STAB2: variants seen among roughly 807,000 people sequenced by gnomAD.
STAB2 encodes the protein stabilin-2.
STAB2 carries 288 observed loss-of-function variants against 338.1 expected under a neutral mutation model. The ratio of observed to expected loss-of-function variants is 0.85; its 90% CI spans 0.77 to 0.94. The LOEUF is 0.94. Among genes scored for constraint, STAB2 ranks in the 40% least tolerant of loss-of-function variants. STAB2 has a pLI of 0.00. For synonymous variants in STAB2, 1,202 were observed against 1,193.3 expected (o/e 1.01, Z -0.15); for missense variants, 3,141 against 3,210.1 (o/e 0.98, Z 0.52).
Position 103,609,917 on chromosome 12 carries a change from A to T in STAB2, c.332-10551A>T, listed in dbSNP as rs897427274. On this transcript the variant is annotated intron_variant, in intron 3 of 68. Coordinates refer to ENST00000388887, the MANE Select transcript of STAB2 (RefSeq NM_017564.10). ...ATGAAGGGCTGTTGAATTTTCTCAA[A>T]GGCCTTTTCTGCATCTATTGTGATA... Among the ~76,000 whole-genome samples, 17 of 152,224 alleles carry T rather than the reference A, an allele frequency of 1.1e-4. 1 individual carries two copies.
chr12:103,635,598 T>C (rs890102202), intron 6 of STAB2, among the ~76,000 whole-genome samples: 5 of 152,150 alleles, frequency 3.3e-5, no homozygotes, highest in African/African-American at 9.7e-5. Context: ...GGAAGGCTGT[T>C]CGGTACTCCT....
intron 48 of STAB2, among the ~76,000 whole-genome samples, chr12:103,729,270 A>G (rs1881454268): frequency 6.6e-6 from 1 of 152,204 alleles, no homozygotes; most frequent in Admixed American, 6.5e-5. Context: ...TACCTGGGTG[A>G]TGAAATAATC....
At chr12:103,590,787 G>C (rs575986844) in intron 1 of STAB2, 110 bp from the exon 2 acceptor site, 4 of 1,309,244 alleles carry the variant, frequency 3.1e-6, no homozygotes, top group Non-Finnish European at 4.3e-6. Flanking sequence ...CATCCCTGAC[G>C]TTCCATTGAG....
chr12:103,737,560 AAG>A (rs1052491622), intron 52 of STAB2, 72 bp from the exon 53 acceptor site: 131 of 1,471,584 alleles, frequency 8.9e-5, no homozygotes, highest in Non-Finnish European at 1.1e-4. Context: ...AGATGTGTGA[AAG>A]AGATTGACTG....
rs754431922 is a variant in STAB2 at position 103,712,356 on chromosome 12, C to T, written c.4335-11C>T. The T allele has an allele frequency of 3.1e-6, 5 of 1,612,040 alleles. No homozygotes were observed. Among genetic ancestry groups the T allele is most frequent in the Non-Finnish European group, 4.2e-6 (5 of 1,178,082 alleles). ...TTTTCTACAAACCCCATTTGTCCTT[C>T]CTTGTTGCAGCTGCCTCACCAACTC... On this transcript the variant is annotated splice_polypyrimidine_tract_variant and intron_variant, in intron 40 of 68. Coordinates refer to ENST00000388887, the MANE Select transcript of STAB2 (RefSeq NM_017564.10).
intron 22 of STAB2, 70 bp downstream of exon 22, chr12:103,670,877 G>C: frequency 7.6e-7 from 1 of 1,309,222 alleles, no homozygotes; most frequent in Non-Finnish European, 1.1e-6. Flanking sequence ...GCAGGGTGCT[G>C]GTGCAGGGCT....
At chr12:103,656,523 C>T (rs1287960030) in intron 15 of STAB2, among the ~76,000 whole-genome samples, 2 of 152,194 alleles carry the variant, frequency 1.3e-5, no homozygotes, top group Non-Finnish European at 2.9e-5. Flanking sequence ...CGCTGGTAAC[C>T]ACCAACTTTC....
chr12:103,721,140 G>A (rs1299356132), intron 44 of STAB2, among the ~76,000 whole-genome samples: 2 of 151,092 alleles, frequency 1.3e-5, no homozygotes, highest in Non-Finnish European at 2.9e-5. Flanking sequence ...ACCATAGTGA[G>A]GGTTAGGTGG....
At chr12:103,669,272 C>G (rs1024090733) in intron 20 of STAB2, 2 of 410,502 alleles carry the variant, frequency 4.9e-6, no homozygotes, top group Admixed American at 7.9e-5. Context: ...TCTTCCCCAA[C>G]TTAGAACGTT....
intron 51 of STAB2, among the ~76,000 whole-genome samples, chr12:103,734,540 G>T (rs1881951680): frequency 6.6e-6 from 1 of 152,190 alleles, no homozygotes; most frequent in African/African-American, 2.4e-5. Context: ...TGATCATATA[G>T]GAGCAAGCAC....
rs138445835 is a variant in STAB2 at position 103,685,076 on chromosome 12, G to T, written c.2989G>T (p.Ala997Ser). Residue 997 changes from alanine (A) to serine (S), a missense_variant, in exon 27 of 69, where the codon GCA (alanine) becomes TCA (serine). By Grantham distance (99) the Ala-to-Ser change is moderately conservative. Transcript: ENST00000388887. ...EGDGFLCYGNAAVELSFLSEA... is the reference protein window; with the variant it reads ...EGDGFLCYGNSAVELSFLSEA... The stretch of plus-strand genomic sequence containing the variant: ...AGATGGCTTTCTGTGCTATGGAAAC[G>T]CAGCAGTGGTAAGTCATCGATGATG... 6.2e-7 allele frequency: 1 copy of T among 1,613,622 alleles called. No homozygotes were observed.
chr12:103,733,243 C>A, intron 51 of STAB2, 61 bp downstream of exon 51: 1 of 1,575,732 alleles, frequency 6.3e-7, no homozygotes, highest in Non-Finnish European at 8.6e-7. Context: ...TAAAATTCAG[C>A]ACCAAGGCAT....
At chr12:103,618,381 G>A (rs546444458) in intron 3 of STAB2, among the ~76,000 whole-genome samples, 8 of 152,288 alleles carry the variant, frequency 5.3e-5, no homozygotes, top group Non-Finnish European at 1.0e-4. Context: ...CCAGAACCTC[G>A]ATATTGGACT....
chr12:103,715,066 T>A (rs2139017706), intron 42 of STAB2, among the ~76,000 whole-genome samples: 1 of 152,240 alleles, frequency 6.6e-6, no homozygotes, highest in East Asian at 1.9e-4. Flanking sequence ...TTGTGTCTTA[T>A]GACATTAACA....
chr12:103,602,197 G>C (rs1159600387), intron 3 of STAB2, among the ~76,000 whole-genome samples: 3 of 152,116 alleles, frequency 2.0e-5, no homozygotes, highest in African/African-American at 7.2e-5. Context: ...CATATAATTG[G>C]AATCATACAG....
At chr12:103,621,857 A>G (rs1194912523) in intron 4 of STAB2, among the ~76,000 whole-genome samples, 185 bp from the exon 5 acceptor site, 2 of 152,264 alleles carry the variant, frequency 1.3e-5, no homozygotes, top group Admixed American at 6.5e-5. Context: ...TCAGACCCTT[A>G]GTACAAAATG....
At chr12:103,591,158 A>G in intron 2 of STAB2, 128 bp downstream of exon 2, 1 of 1,246,264 alleles carries the variant, frequency 8.0e-7, no homozygotes, top group Non-Finnish European at 1.1e-6. Context: ...TAGGTAACTC[A>G]CAATTTATGA....
chr12:103,646,207 A>C (rs1565982184), intron 9 of STAB2, among the ~76,000 whole-genome samples: 1 of 152,196 alleles, frequency 6.6e-6, no homozygotes. Flanking sequence ...ACTCATATGC[A>C]ACCTTCTAGA....
chr12:103,721,304 G>T (rs554901775), intron 44 of STAB2, among the ~76,000 whole-genome samples: 1 of 152,314 alleles, frequency 6.6e-6, no homozygotes, highest in South Asian at 2.1e-4. Flanking sequence ...TGAAAATCTT[G>T]GGGAAAATGT....
Sources: gnomAD v4.1 joint callset for allele counts (sites outside exome capture counted in the v4.1 genomes callset) on GRCh38, gnomAD v4.1.1 for gene constraint, MANE v1.5 for transcripts, NCBI Gene and HGNC (gene_info 2026-07-23, HGNC 2026-07-21) for gene names.